Variants in WDFY4 observed in about 807,000 individuals in gnomAD.
The protein encoded by WDFY4 is WDFY family member 4.
WDFY4 carries 169 observed loss-of-function variants against 351.9 expected under a neutral mutation model. The ratio of observed to expected loss-of-function variants is 0.48; its 90% CI spans 0.42 to 0.55. The LOEUF (loss-of-function observed/expected upper bound fraction) is 0.55. Ranked by LOEUF, WDFY4 falls within the 20% of genes least tolerant of loss-of-function variation. The pLI is 0.00. For missense variants in WDFY4, 3,803 were observed against 3,935.6 expected (o/e 0.97, Z 0.90); for synonymous variants, 1,622 against 1,574.6 (o/e 1.03, Z -0.71).
intron 25 of WDFY4, 96 bp downstream of exon 25, chr10:48,803,455 A>G (rs1490122402): frequency 8.2e-7 from 1 of 1,217,738 alleles, no homozygotes; most frequent in East Asian, 2.5e-5. Flanking sequence ...CCCTGCTCCC[A>G]GAACACTGGG....
At chr10:48,827,331 A>G (rs1565244832) in intron 36 of WDFY4, among the ~76,000 whole-genome samples, 2 of 151,928 alleles carry the variant, frequency 1.3e-5, no homozygotes, top group Non-Finnish European at 2.9e-5. Flanking sequence ...CAGGAAAAAA[A>G]TTACATATGC....
At chr10:48,740,391 T>C (rs2064815191) in intron 11 of WDFY4, among the ~76,000 whole-genome samples, 3 of 152,256 alleles carry the variant, frequency 2.0e-5, no homozygotes, top group Admixed American at 2.0e-4. Context: ...GGAAGTGAGT[T>C]GCTCACATAA....
At chr10:48,826,586 C>G (rs920846458) in intron 35 of WDFY4, 85 bp from the exon 36 acceptor site, 3 of 1,058,180 alleles carry the variant, frequency 2.8e-6, no homozygotes, top group African/African-American at 3.2e-5. Flanking sequence ...TTTGATTATA[C>G]TATTTTTGTG....
At chr10:48,914,500 TATAA>T (rs1290356214) in intron 47 of WDFY4, among the ~76,000 whole-genome samples, 4 of 152,192 alleles carry the variant, frequency 2.6e-5, no homozygotes, top group South Asian at 4.2e-4. Context: ...TGCCCCGACT[TATAA>T]ATACTCTCCA....
chr10:48,863,575 A>T (rs1394069839), intron 39 of WDFY4, among the ~76,000 whole-genome samples: 3 of 152,170 alleles, frequency 2.0e-5, no homozygotes, highest in African/African-American at 4.8e-5. Flanking sequence ...ATCTCTAAGT[A>T]TTTTTGTATA....
intron 24 of WDFY4, among the ~76,000 whole-genome samples, chr10:48,800,002 C>T (rs572914355): frequency 8.5e-5 from 13 of 152,236 alleles, no homozygotes; most frequent in African/African-American, 3.1e-4. Flanking sequence ...TCTCCTGCCT[C>T]AGCCTCTCGA....
intron 39 of WDFY4, among the ~76,000 whole-genome samples, chr10:48,844,947 T>C (rs756371487): frequency 3.3e-5 from 5 of 152,168 alleles, no homozygotes; most frequent in Non-Finnish European, 7.4e-5. Flanking sequence ...TTGTGATGGC[T>C]GTAGGTTGGA....
At chr10:48,861,999 T>C (rs2069361018) in intron 39 of WDFY4, among the ~76,000 whole-genome samples, 1 of 152,212 alleles carries the variant, frequency 6.6e-6, no homozygotes, top group Admixed American at 6.5e-5. Context: ...GGTTCTTCTT[T>C]ATATCTTCTA....
chr10:48,868,662 G>A (rs2069644433), intron 40 of WDFY4, among the ~76,000 whole-genome samples: 1 of 152,172 alleles, frequency 6.6e-6, no homozygotes. Context: ...AATCTTGTAG[G>A]ATTGCATCCT....
At chr10:48,736,829 G>T (rs1367371824) in intron 11 of WDFY4, among the ~76,000 whole-genome samples, 1 of 152,170 alleles carries the variant, frequency 6.6e-6, no homozygotes, top group East Asian at 1.9e-4. Flanking sequence ...GAGAGAACCT[G>T]TGAGCTGTGA....
At chr10:48,786,030 C>T (rs1243276830) in intron 19 of WDFY4, among the ~76,000 whole-genome samples, 2 of 152,164 alleles carry the variant, frequency 1.3e-5, no homozygotes, top group African/African-American at 2.4e-5. Context: ...CTTTTTCCAT[C>T]ATCACTTAGG....
chr10:48,806,208 C>A (rs2067250183), intron 27 of WDFY4, 113 bp downstream of exon 27: 2 of 1,055,604 alleles, frequency 1.9e-6, no homozygotes, highest in African/African-American at 1.6e-5. Context: ...GCACCCACAG[C>A]CAAGCCGTGG....
At chr10:48,891,905 TCAGCCCA>T (rs1312879513) in intron 44 of WDFY4, among the ~76,000 whole-genome samples, 7 of 152,364 alleles carry the variant, frequency 4.6e-5, no homozygotes, top group African/African-American at 1.7e-4. Flanking sequence ...AGAGTAGATG[TCAGCCCA>T]CCTTGGTTGA....
At chr10:48,717,692 C>G (rs1160851057) in intron 2 of WDFY4, among the ~76,000 whole-genome samples, 1 of 152,178 alleles carries the variant, frequency 6.6e-6, no homozygotes, top group Non-Finnish European at 1.5e-5. Context: ...TTTTTCCAGT[C>G]AACATTCTAT....
At chr10:48,829,701 A>C (rs1004739255) in intron 37 of WDFY4, among the ~76,000 whole-genome samples, 2 of 152,142 alleles carry the variant, frequency 1.3e-5, no homozygotes, top group Non-Finnish European at 2.9e-5. Context: ...AATACAAAAA[A>C]ATTAGCTGGG....
At chr10:48,848,683 A>C (rs2068858682) in intron 39 of WDFY4, among the ~76,000 whole-genome samples, 1 of 152,164 alleles carries the variant, frequency 6.6e-6, no homozygotes, top group Non-Finnish European at 1.5e-5. Flanking sequence ...GCCCTGAATC[A>C]TGACCTTGAG....
At chr10:48,910,110 G>T in intron 47 of WDFY4, 2 of 872,122 alleles carry the variant, frequency 2.3e-6, no homozygotes, top group Non-Finnish European at 3.8e-6. Context: ...GGCTTGGCCA[G>T]CTCCGGCGAG....
Position 48,787,909 on chromosome 10 carries a change from CTTCTTCTT to C in WDFY4, c.3809-620_3809-613del, listed in dbSNP as rs2066508700. Among the ~76,000 whole-genome samples, 9 of 37,772 alleles carry C rather than the reference CTTCTTCTT, an allele frequency of 2.4e-4. 2 individuals are homozygous for C. Among genetic ancestry groups the C allele is most frequent in the African/African-American group, 1.2e-3 (8 of 6,762 alleles). The allele number at this position is 37,772 out of a possible 152,430, so 24.8% of individuals were successfully genotyped here. A position where few individuals can be genotyped will look rare whatever the true frequency, so the allele number is the denominator to read the frequency against. ...TCTTCTTCTCCTTCTTCTTCTTCTT[CTTCTTCTT>C]CTTCTTCTTCTTCTTCTTCTTCTTC... On this transcript the variant is annotated intron_variant, in intron 20 of 61. Coordinates refer to ENST00000325239, the MANE Select transcript of WDFY4 (RefSeq NM_001394531.1).
intron 43 of WDFY4, among the ~76,000 whole-genome samples, chr10:48,878,861 G>A (rs1272399250): frequency 1.3e-5 from 2 of 152,218 alleles, no homozygotes; most frequent in Non-Finnish European, 2.9e-5. Context: ...CTAACCACAG[G>A]CATGCCTGAA....
Sources: gnomAD v4.1 joint callset for allele counts (sites outside exome capture counted in the v4.1 genomes callset) on GRCh38, gnomAD v4.1.1 for gene constraint, MANE v1.5 for transcripts, NCBI Gene and HGNC (gene_info 2026-07-23, HGNC 2026-07-21) for gene names.